Variants in ALPK1 observed in about 807,000 individuals in gnomAD.
ALPK1 encodes alpha-protein kinase 1.
ALPK1 carries 110 observed loss-of-function variants against 120.6 expected under a neutral mutation model. The ratio of observed to expected loss-of-function variants is 0.91; its 90% CI spans 0.78 to 1.07. The LOEUF is 1.07. ALPK1 is among the 50% of genes least tolerant of loss of function. The probability of loss-of-function intolerance (pLI) is 0.00; values close to 1 mark genes in which losing one functional copy is unlikely to be tolerated. For missense variants in ALPK1, 1,498 were observed against 1,483.9 expected (o/e 1.01, Z -0.16); for synonymous variants, 582 against 560.3 (o/e 1.04, Z -0.55).
chr4:112,311,727 C>T (rs917133998), intron 1 of ALPK1, among the ~76,000 whole-genome samples: 1 of 152,192 alleles, frequency 6.6e-6, no homozygotes, highest in Non-Finnish European at 1.5e-5. Context: ...GCCATGCCTG[C>T]CCAATACCAA....
At chr4:112,359,762 G>A (rs964778357) in intron 2 of ALPK1, 5 of 407,572 alleles carry the variant, frequency 1.2e-5, no homozygotes, top group Non-Finnish European at 1.9e-5. Flanking sequence ...TGCCCAACCT[G>A]CACACTGCCT....
chr4:112,388,335 A>G (rs906511507), intron 4 of ALPK1, among the ~76,000 whole-genome samples: 2 of 152,192 alleles, frequency 1.3e-5, no homozygotes, highest in African/African-American at 2.4e-5. Context: ...AGCTCAGGGG[A>G]TGGAGGAGAG....
At chr4:112,315,068 C>T (rs1417638315) in intron 1 of ALPK1, among the ~76,000 whole-genome samples, 14 of 151,710 alleles carry the variant, frequency 9.2e-5, no homozygotes, top group Admixed American at 8.5e-4. Context: ...TTAGTAGAGA[C>T]AGGGTTTCAC....
chr4:112,354,904 C>G (rs1174192325), intron 2 of ALPK1, among the ~76,000 whole-genome samples: 1 of 152,112 alleles, frequency 6.6e-6, no homozygotes, highest in East Asian at 1.9e-4. Context: ...TATTCTTGAA[C>G]TGTTTTTCCC....
chr4:112,429,036 C>T (rs11944440), intron 9 of ALPK1, 113 bp from the exon 10 acceptor site: 30,493 of 885,786 alleles, frequency 0.034, 811 homozygotes, highest in East Asian at 0.098. Context: ...GAACGGGTTG[C>T]GGTGAGGAGT....
rs974510504 is a variant in ALPK1 at position 112,357,323 on chromosome 4, G to T, written c.-100-20355G>T. ...GAAGCTGGCGGATATTGTCCAGATT[G>T]TGTTCAGTGTAGACCCCTCCGAGAA... On this transcript the variant is annotated intron_variant, in intron 2 of 15. Transcript: ENST00000650871. The T allele has an allele frequency of 6.7e-6, 6 of 889,484 alleles. No homozygotes were observed. In the African/African-American group the frequency reaches 9.9e-5, roughly 15 times the overall value. 55.1% of individuals were successfully genotyped at this position (889,484 alleles called of 1,614,324 possible).
chr4:112,407,645 A>T (rs1362883596), intron 4 of ALPK1, among the ~76,000 whole-genome samples: 2 of 152,200 alleles, frequency 1.3e-5, no homozygotes, highest in Admixed American at 1.3e-4. Flanking sequence ...TTTAAATGTC[A>T]TAGTGTGTGT....
chr4:112,397,215 G>A (rs897066366), intron 4 of ALPK1, among the ~76,000 whole-genome samples: 3 of 152,122 alleles, frequency 2.0e-5, no homozygotes, highest in Admixed American at 6.6e-5. Context: ...CTCTAGTAAC[G>A]GATTTCACTA....
At chr4:112,354,694 C>G (rs1730519795) in intron 2 of ALPK1, among the ~76,000 whole-genome samples, 1 of 152,170 alleles carries the variant, frequency 6.6e-6, no homozygotes, top group Non-Finnish European at 1.5e-5. Flanking sequence ...TCTCGAACTC[C>G]TGGCCTCAAG....
At chr4:112,320,222 A>T (rs59813917) in intron 2 of ALPK1, among the ~76,000 whole-genome samples, 12,591 of 152,232 alleles carry the variant, frequency 0.083, 821 homozygotes, top group Admixed American at 0.21. Flanking sequence ...TGCCCCTTCT[A>T]TGCCAATTTT....
At chr4:112,392,591 A>T (rs1278830649) in intron 4 of ALPK1, among the ~76,000 whole-genome samples, 3 of 152,202 alleles carry the variant, frequency 2.0e-5, no homozygotes, top group African/African-American at 7.2e-5. Context: ...CAGTGGTACA[A>T]TTTTGGCTGA....
chr4:112,393,225 C>T (rs1020845983), intron 4 of ALPK1, among the ~76,000 whole-genome samples: 2 of 152,164 alleles, frequency 1.3e-5, no homozygotes, highest in African/African-American at 4.8e-5. Flanking sequence ...CCACTGTGTG[C>T]CCAGAAGGAG....
At chr4:112,439,636 A>T in intron 13 of ALPK1, 50 bp from the exon 14 acceptor site, 3 of 1,505,422 alleles carry the variant, frequency 2.0e-6, no homozygotes, top group Non-Finnish European at 2.7e-6. Flanking sequence ...AAGTCCAAAG[A>T]CAATGGCCTT....
At chr4:112,415,912 A>C (rs1417400686) in intron 5 of ALPK1, among the ~76,000 whole-genome samples, 3 of 152,226 alleles carry the variant, frequency 2.0e-5, no homozygotes, top group African/African-American at 7.2e-5. Flanking sequence ...TAGAAAAATG[A>C]AGTAAAAAAC....
At chr4:112,407,935 G>C (rs1290179667) in intron 4 of ALPK1, among the ~76,000 whole-genome samples, 1 of 152,052 alleles carries the variant, frequency 6.6e-6, no homozygotes, top group Non-Finnish European at 1.5e-5. Flanking sequence ...GTGAAACCCC[G>C]TCTCTACTAA....
chr4:112,357,980 G>A (rs1447980651), intron 2 of ALPK1: 2 of 691,468 alleles, frequency 2.9e-6, no homozygotes, highest in Non-Finnish European at 5.3e-6. Flanking sequence ...CACCTTCCTG[G>A]CGGTATGCCG....
At chr4:112,358,712 G>A in intron 2 of ALPK1, 1 of 768,940 alleles carries the variant, frequency 1.3e-6, no homozygotes, top group Non-Finnish European at 2.4e-6. Flanking sequence ...AAGGAAGGAG[G>A]AAGAAGATCC....
At chr4:112,361,421 G>A (rs1730906893) in intron 2 of ALPK1, among the ~76,000 whole-genome samples, 1 of 152,228 alleles carries the variant, frequency 6.6e-6, no homozygotes, top group African/African-American at 2.4e-5. Flanking sequence ...AGGAAGCCGG[G>A]TGAGGCCTGT....
At chr4:112,358,396 G>C in intron 2 of ALPK1, 2 of 622,010 alleles carry the variant, frequency 3.2e-6, no homozygotes, top group Non-Finnish European at 5.8e-6. Context: ...GTTTGCGTGA[G>C]GCAGAAGATG....
Sources: allele counts gnomAD v4.1 joint callset (sites outside exome capture counted in the v4.1 genomes callset), GRCh38; gene constraint gnomAD v4.1.1; transcripts MANE v1.5; gene names NCBI Gene and HGNC (gene_info 2026-07-23, HGNC 2026-07-21).